The following AKAP6 variants were observed in gnomAD, a reference collection of about 807,000 sequenced individuals.
AKAP6 encodes the protein A-kinase anchoring protein 6, also known as A-kinase anchor protein 6.
Under a neutral mutation model 188.5 loss-of-function variants are expected in AKAP6, and 58 were observed. The ratio of observed to expected loss-of-function variants is 0.31; its 90% CI spans 0.25 to 0.38. The LOEUF is 0.38. Ranked by LOEUF, AKAP6 falls within the 10% of genes least tolerant of loss-of-function variation. The pLI is 1.00. For missense variants in AKAP6, 2,710 were observed against 2,740.0 expected (o/e 0.99, Z 0.24); for synonymous variants, 989 against 998.6 (o/e 0.99, Z 0.18).
intron 1 of AKAP6, among the ~76,000 whole-genome samples, chr14:32,350,993 T>C (rs1021937616): frequency 6.8e-6 from 1 of 147,196 alleles, no homozygotes; most frequent in African/African-American, 2.6e-5. Context: ...AACCCTGCTT[T>C]TCATTCTGTC....
Position 32,823,327 on chromosome 14 carries a change from T to G in AKAP6, c.5514T>G (p.Asn1838Lys), listed in dbSNP as rs370191777. The part of the protein sequence containing the change: ...SKDISSSEMT[N>K]PSDTLNIETL... ...ATATAAGTAGCAGTGAGATGACCAA[T>G]CCCTCTGATACTCTGAATATTGAGA... Residue 1838 changes from asparagine (N) to lysine (K), a missense_variant, in exon 13 of 14, where the codon AAT (asparagine) becomes AAG (lysine). Asn to Lys is a moderately conservative substitution (Grantham distance 94). Transcript: ENST00000280979. 1.2e-6 allele frequency: 2 copies of G among 1,613,684 alleles called. No individual in the cohort carries two copies. The highest frequency in any genetic ancestry group is 2.7e-5 in the African/African-American group (2 of 74,862).
chr14:32,550,280 G>A (rs1407868606), intron 4 of AKAP6, among the ~76,000 whole-genome samples: 2 of 152,220 alleles, frequency 1.3e-5, no homozygotes, highest in African/African-American at 4.8e-5. Context: ...TGAAGTAGAG[G>A]TGGTGCAGGT....
chr14:32,726,810 A>G (rs1056840036), intron 9 of AKAP6, among the ~76,000 whole-genome samples: 1 of 152,220 alleles, frequency 6.6e-6, no homozygotes, highest in Admixed American at 6.5e-5. Flanking sequence ...TTCTGTTCAG[A>G]TAGAAGAGCT....
At chr14:32,516,190 A>T (rs1881514698) in intron 2 of AKAP6, among the ~76,000 whole-genome samples, 1 of 152,210 alleles carries the variant, frequency 6.6e-6, no homozygotes, top group Admixed American at 6.5e-5. Context: ...ATCTGCAAAG[A>T]CTAGAAGGTT....
At chr14:32,809,660 T>C (rs1391397386) in intron 12 of AKAP6, among the ~76,000 whole-genome samples, 2 of 152,148 alleles carry the variant, frequency 1.3e-5, no homozygotes, top group Non-Finnish European at 2.9e-5. Context: ...TCTAGTGGCT[T>C]TACTAAATAA....
intron 7 of AKAP6, among the ~76,000 whole-genome samples, chr14:32,669,138 T>G (rs922680843): frequency 2.0e-5 from 3 of 152,164 alleles, no homozygotes; most frequent in African/African-American, 7.2e-5. Context: ...CTGTGTCTGA[T>G]CCAGATTTGT....
intron 8 of AKAP6, 69 bp from the exon 9 acceptor site, chr14:32,695,918 ATAT>A: frequency 2.7e-6 from 4 of 1,488,464 alleles, no homozygotes; most frequent in Non-Finnish European, 3.6e-6. Context: ...TTTCAAGAAT[ATAT>A]TATTCTAATA....
chr14:32,573,780 A>T (rs974599318), intron 4 of AKAP6, among the ~76,000 whole-genome samples: 1 of 152,152 alleles, frequency 6.6e-6, no homozygotes, highest in Admixed American at 6.6e-5. Context: ...CATTCACACC[A>T]CAAAGATGCC....
intron 4 of AKAP6, among the ~76,000 whole-genome samples, chr14:32,551,590 A>T (rs991081292): frequency 2.0e-5 from 3 of 150,670 alleles, no homozygotes; most frequent in Admixed American, 6.6e-5. Context: ...AAAAAAAAAA[A>T]GGTGTAATCT....
At chr14:32,472,310 C>T (rs575529504) in intron 2 of AKAP6, among the ~76,000 whole-genome samples, 2 of 152,186 alleles carry the variant, frequency 1.3e-5, no homozygotes, top group East Asian at 3.9e-4. Context: ...GGGCAAGTCC[C>T]AGGGAGGGTC....
chr14:32,515,526 T>C (rs1451016734), intron 2 of AKAP6, among the ~76,000 whole-genome samples: 1 of 152,160 alleles, frequency 6.6e-6, no homozygotes, highest in Non-Finnish European at 1.5e-5. Flanking sequence ...GGCTGTCTTA[T>C]GGGTGGAGTA....
chr14:32,655,208 A>G (rs1469183317), intron 7 of AKAP6, among the ~76,000 whole-genome samples: 2 of 152,186 alleles, frequency 1.3e-5, no homozygotes, highest in African/African-American at 4.8e-5. Flanking sequence ...TATTTCAGTT[A>G]AGGTATGAAG....
At chr14:32,780,289 C>A (rs2033206957) in intron 12 of AKAP6, among the ~76,000 whole-genome samples, 1 of 150,242 alleles carries the variant, frequency 6.7e-6, no homozygotes. Context: ...TGAAATAAAC[C>A]AGACACAGAA....
Position 32,392,570 on chromosome 14 carries a change from A to G in AKAP6, c.-34-40890A>G, listed in dbSNP as rs1221029779. Among the ~76,000 whole-genome samples the G allele has an allele frequency of 2.0e-5, 3 of 152,188 alleles. No individual in the cohort carries two copies. The East Asian group carries it at 5.8e-4, about 29-fold the overall frequency. On this transcript the variant is annotated intron_variant, in intron 1 of 13. Coordinates refer to ENST00000280979, the MANE Select transcript of AKAP6 (RefSeq NM_004274.5). ...ACTCCTAGCTAAGATCTTGGTTTCT[A>G]AATACCTTTTCCAAATAAAGGGAAC...
intron 2 of AKAP6, among the ~76,000 whole-genome samples, chr14:32,528,444 A>G (rs1882241323): frequency 6.6e-6 from 1 of 152,062 alleles, no homozygotes; most frequent in African/African-American, 2.4e-5. Flanking sequence ...TCTTTTCTCT[A>G]TTGTGTTGCC....
chr14:32,577,207 A>T lies in AKAP6; in HGVS notation c.2434A>T (p.Met812Leu), dbSNP rs371864764. 6 of 1,612,444 alleles carry T rather than the reference A, an allele frequency of 3.7e-6. No homozygotes were observed. The African/African-American group carries it at 6.7e-5, about 18-fold the overall frequency. The change falls in exon 5 of 14, where the codon ATG becomes TTG. Residue 812 changes from methionine (M) to leucine (L), a missense_variant. Coordinates refer to ENST00000280979, the MANE Select transcript of AKAP6 (RefSeq NM_004274.5). ...AAATTGGACTCCCCCTAAAGCAGAG[A>T]TGGATGACCTTAAACTGTATCTGGA... is the stretch of plus-strand genomic sequence containing the variant. ...TENWTPPKAEMDDLKLYLETH... is the reference protein window; with the variant it reads ...TENWTPPKAELDDLKLYLETH...
chr14:32,521,299 C>A (rs1881816906), intron 2 of AKAP6, among the ~76,000 whole-genome samples: 1 of 152,070 alleles, frequency 6.6e-6, no homozygotes, highest in Non-Finnish European at 1.5e-5. Flanking sequence ...CCCTCTCTCA[C>A]CACTCCTATT....
At chr14:32,368,940 A>G (rs558580830) in intron 1 of AKAP6, among the ~76,000 whole-genome samples, 1 of 152,216 alleles carries the variant, frequency 6.6e-6, no homozygotes, top group South Asian at 2.1e-4. Context: ...TAAGCCACTG[A>G]AAGTGTTAAG....
At chr14:32,453,329 A>C (rs558161902) in intron 2 of AKAP6, among the ~76,000 whole-genome samples, 3 of 152,152 alleles carry the variant, frequency 2.0e-5, no homozygotes, top group Non-Finnish European at 4.4e-5. Context: ...CTGACCCTCT[A>C]TCCAGCGTCC....
Sources: gnomAD v4.1 joint callset for allele counts (sites outside exome capture counted in the v4.1 genomes callset) on GRCh38, gnomAD v4.1.1 for gene constraint, MANE v1.5 for transcripts, NCBI Gene and HGNC (gene_info 2026-07-23, HGNC 2026-07-21) for gene names.